Variants in ZNF131 observed in about 807,000 individuals in gnomAD.
The protein encoded by ZNF131 is zinc finger protein 131.
In ZNF131, 7 loss-of-function variants were observed where a neutral mutation model predicts 60.0. The observed-to-expected ratio is 0.12, with a 90% CI of 0.07 to 0.22. The LOEUF (loss-of-function observed/expected upper bound fraction) is 0.22, where lower values mean the gene tolerates loss of function less well. ZNF131 is among the 10% of genes least tolerant of loss of function. ZNF131 has a pLI of 1.00. For missense variants in ZNF131, 493 were observed against 740.9 expected, an observed-to-expected ratio of 0.67 and a Z score of 3.88; for synonymous variants, 257 against 253.2, an observed-to-expected ratio of 1.01 and a Z score of -0.14.
At chr5:43,169,146 A>G (rs1203034035) in intron 5 of ZNF131, among the ~76,000 whole-genome samples, 1 of 152,172 alleles carries the variant, frequency 6.6e-6, no homozygotes, top group Non-Finnish European at 1.5e-5. Context: ...CCAGTTCAGC[A>G]TTTGCCAGCA....
intron 3 of ZNF131, among the ~76,000 whole-genome samples, chr5:43,137,025 T>G (rs1746203541): frequency 6.6e-6 from 1 of 152,038 alleles, no homozygotes; most frequent in Admixed American, 6.6e-5. Context: ...AAAGATGAAA[T>G]TGGACCCCTA....
intron 4 of ZNF131, among the ~76,000 whole-genome samples, chr5:43,157,409 C>G (rs1208938593): frequency 6.6e-6 from 1 of 152,184 alleles, no homozygotes; most frequent in Non-Finnish European, 1.5e-5. Flanking sequence ...TGTAACTTGT[C>G]TGAAAAGAGG....
intron 6 of ZNF131, among the ~76,000 whole-genome samples, chr5:43,173,849 T>G (rs1226989503): frequency 1.3e-5 from 2 of 152,202 alleles, no homozygotes; most frequent in Non-Finnish European, 2.9e-5. Context: ...ATGTTCTATG[T>G]TATGGGAGAA....
intron 5 of ZNF131, among the ~76,000 whole-genome samples, chr5:43,163,508 C>G (rs1185028812): frequency 6.6e-6 from 1 of 152,220 alleles, no homozygotes; most frequent in Non-Finnish European, 1.5e-5. Flanking sequence ...AGTTCTTCAT[C>G]CCCTATTCCA....
At chr5:43,136,627 TTC>T (rs1161273895) in intron 3 of ZNF131, among the ~76,000 whole-genome samples, 10 of 80,498 alleles carry the variant, frequency 1.2e-4, no homozygotes, top group East Asian at 2.9e-3. Context: ...TCTAATTTTT[TTC>T]TTTTTTTCTT....
chr5:43,175,615 C>A lies in ZNF131; in HGVS notation c.*482C>A, dbSNP rs1434608267. On this transcript the variant is annotated 3_prime_UTR_variant, in exon 7 of 7. Coordinates refer to ENST00000682664, the MANE Select transcript of ZNF131 (RefSeq NM_001330707.2). ...TTGTTACTGTGCAGTTAAATTTTGG[C>A]TTCTGGCTTTCTTTAGTTTGAACAA... The A allele has an allele frequency of 3.7e-6, 2 of 536,298 alleles. No individual in the cohort carries two copies. Among genetic ancestry groups the A allele is most frequent in the Non-Finnish European group, 6.5e-6 (2 of 307,434 alleles). The allele number at this position is 536,298 out of a possible 1,614,324, so 33.2% of individuals were successfully genotyped here. A position where few individuals can be genotyped will look rare whatever the true frequency, so the allele number is the denominator to read the frequency against.
intron 4 of ZNF131, among the ~76,000 whole-genome samples, chr5:43,142,835 A>G (rs974404378): frequency 7.3e-5 from 11 of 151,400 alleles, no homozygotes; most frequent in African/African-American, 2.7e-4. Flanking sequence ...GGGACCACAG[A>G]TGCTTGCCAC....
At chr5:43,123,341 TAAATC>T (rs1241117204) in intron 3 of ZNF131, 31 bp downstream of exon 3, 13 of 1,546,948 alleles carry the variant, frequency 8.4e-6, no homozygotes, top group Non-Finnish European at 1.1e-5. Flanking sequence ...TTTTATTTAA[TAAATC>T]AAAGAAGCCA....
rs753231767 is a variant in ZNF131 at position 43,121,085 on chromosome 5, C to T, written c.-54C>T. 6.7e-6 allele frequency: 1 copy of T among 148,690 alleles called. No homozygotes were observed. The highest frequency in any genetic ancestry group is 1.5e-5 in the Non-Finnish European group (1 of 67,882). 9.2% of individuals were successfully genotyped at this position (148,690 alleles called of 1,614,324 possible). Reference sequence around the variant, plus strand: ...AGGGGAAAGCACGGAACAAGAGGCTCTGAGGGACGGAGAGGAAGGAGGGCG... The same window carrying T: ...AGGGGAAAGCACGGAACAAGAGGCTTTGAGGGACGGAGAGGAAGGAGGGCG... On this transcript the variant is annotated 5_prime_UTR_variant, in exon 1 of 7. Coordinates refer to ENST00000682664, the MANE Select transcript of ZNF131 (RefSeq NM_001330707.2).
chr5:43,163,873 T>C (rs1750048813), intron 5 of ZNF131, among the ~76,000 whole-genome samples: 2 of 152,218 alleles, frequency 1.3e-5, no homozygotes, highest in Non-Finnish European at 1.5e-5. Flanking sequence ...AATAGGTTTG[T>C]CACTGTCAGT....
intron 4 of ZNF131, among the ~76,000 whole-genome samples, chr5:43,159,540 CAAAA>C (rs1174089245): frequency 7.9e-5 from 12 of 151,684 alleles, no homozygotes; most frequent in African/African-American, 2.9e-4. Context: ...CTAAAAAATA[CAAAA>C]ATTAGGCGGG....
intron 3 of ZNF131, 78 bp downstream of exon 3, chr5:43,123,388 C>T: frequency 5.6e-6 from 7 of 1,251,022 alleles, no homozygotes; most frequent in Non-Finnish European, 3.3e-6. Flanking sequence ...AAATACAATA[C>T]TTAGCAAACA....
intron 5 of ZNF131, 170 bp from the exon 6 acceptor site, chr5:43,173,148 C>T: frequency 1.7e-6 from 1 of 599,466 alleles, no homozygotes; most frequent in Non-Finnish European, 2.7e-6. Context: ...TTTTTGCTAC[C>T]TCTAGAAAAG....
intron 3 of ZNF131, among the ~76,000 whole-genome samples, chr5:43,125,298 T>A (rs1463314660): frequency 1.3e-5 from 2 of 148,520 alleles, no homozygotes; most frequent in Non-Finnish European, 3.0e-5. Flanking sequence ...CTGAGCAGAA[T>A]TTTTTTTTTC....
intron 4 of ZNF131, among the ~76,000 whole-genome samples, chr5:43,150,222 CATT>C (rs956897780): frequency 1.3e-5 from 2 of 152,166 alleles, no homozygotes; most frequent in African/African-American, 2.4e-5. Flanking sequence ...GTAGAGGAAA[CATT>C]ATTATACTGG....
chr5:43,139,476 A>G (rs751208623), intron 4 of ZNF131, among the ~76,000 whole-genome samples, 167 bp downstream of exon 4: 6 of 152,190 alleles, frequency 3.9e-5, no homozygotes, highest in Admixed American at 6.5e-5. Context: ...TTGTTCTTTC[A>G]CTTGACTTTG....
At chr5:43,149,358 A>C (rs907993910) in intron 4 of ZNF131, among the ~76,000 whole-genome samples, 3 of 152,086 alleles carry the variant, frequency 2.0e-5, no homozygotes, top group African/African-American at 7.2e-5. Flanking sequence ...ATTCACGTAT[A>C]TTAGTGTGTG....
intron 5 of ZNF131, among the ~76,000 whole-genome samples, chr5:43,162,812 G>A (rs1249597819): frequency 2.0e-5 from 3 of 148,626 alleles, no homozygotes; most frequent in African/African-American, 4.9e-5. Context: ...GGCTGAGGCC[G>A]GAGAATTGCT....
intron 4 of ZNF131, among the ~76,000 whole-genome samples, chr5:43,157,781 T>G (rs1274524500): frequency 6.6e-6 from 1 of 152,188 alleles, no homozygotes; most frequent in Non-Finnish European, 1.5e-5. Context: ...AAGGGGAGCA[T>G]CGTTTTTGCC....
Sources: gnomAD v4.1 joint callset for allele counts (sites outside exome capture counted in the v4.1 genomes callset) on GRCh38, gnomAD v4.1.1 for gene constraint, MANE v1.5 for transcripts, NCBI Gene and HGNC (gene_info 2026-07-23, HGNC 2026-07-21) for gene names.